SH3RF3: variants seen among roughly 807,000 people sequenced by gnomAD.
SH3RF3 encodes SH3 domain containing ring finger 3.
Under a neutral mutation model 66.3 loss-of-function variants are expected in SH3RF3, and 29 were observed. That is an observed-to-expected ratio of 0.44 (90% CI 0.33 to 0.60). The LOEUF (loss-of-function observed/expected upper bound fraction) is 0.60. SH3RF3 is among the 20% of genes least tolerant of loss of function. The pLI is 0.04. For synonymous variants in SH3RF3, 583 were observed against 532.0 expected (o/e 1.10, Z -1.32); for missense variants, 1,194 against 1,190.9 (o/e 1.00, Z -0.04).
intron 2 of SH3RF3, among the ~76,000 whole-genome samples, chr2:109,353,610 G>T (rs964024605): frequency 6.6e-6 from 1 of 152,198 alleles, no homozygotes; most frequent in African/African-American, 2.4e-5. Context: ...GGCCTGCTGG[G>T]TGAGAGTGCC....
At chr2:109,308,162 C>T (rs1432522231) in intron 1 of SH3RF3, among the ~76,000 whole-genome samples, 12 of 139,496 alleles carry the variant, frequency 8.6e-5, no homozygotes, top group East Asian at 4.0e-4. Context: ...TTTGCATTTC[C>T]CTGATGGCCA....
chr2:109,232,013 C>A (rs1303681670), intron 1 of SH3RF3, among the ~76,000 whole-genome samples: 2 of 152,140 alleles, frequency 1.3e-5, no homozygotes, highest in Non-Finnish European at 2.9e-5. Flanking sequence ...GAATCTGCCA[C>A]GTTTTATTTA....
intron 1 of SH3RF3, among the ~76,000 whole-genome samples, chr2:109,149,021 C>G (rs1379147316): frequency 6.6e-6 from 1 of 152,124 alleles, no homozygotes; most frequent in East Asian, 1.9e-4. Context: ...TGCAGATCCC[C>G]CTTTCTCTTC....
intron 1 of SH3RF3, among the ~76,000 whole-genome samples, chr2:109,301,203 G>A (rs895889991): frequency 6.6e-6 from 1 of 152,152 alleles, no homozygotes; most frequent in Non-Finnish European, 1.5e-5. Context: ...GTTCCTCTGC[G>A]CAGGCTGATG....
At chr2:109,136,848 C>A (rs1676826263) in intron 1 of SH3RF3, among the ~76,000 whole-genome samples, 2 of 152,184 alleles carry the variant, frequency 1.3e-5, no homozygotes, top group South Asian at 4.1e-4. Flanking sequence ...TGCACCGGGG[C>A]ACCTGTAAAT....
At chr2:109,338,684 A>G (rs1294280119) in intron 1 of SH3RF3, among the ~76,000 whole-genome samples, 1 of 152,156 alleles carries the variant, frequency 6.6e-6, no homozygotes, top group East Asian at 1.9e-4. Flanking sequence ...CAGCCTCACA[A>G]GTAGCTGTGA....
chr2:109,195,500 T>A (rs1678474302), intron 1 of SH3RF3, among the ~76,000 whole-genome samples: 1 of 152,200 alleles, frequency 6.6e-6, no homozygotes, highest in African/African-American at 2.4e-5. Flanking sequence ...CTGTAGGCTT[T>A]ATTTTGGAAA....
At chr2:109,340,189 A>T (rs1682528336) in intron 1 of SH3RF3, among the ~76,000 whole-genome samples, 1 of 152,192 alleles carries the variant, frequency 6.6e-6, no homozygotes, top group South Asian at 2.1e-4. Flanking sequence ...ACCTGGATCC[A>T]GTCCTGTCTC....
chr2:109,161,983 A>AG (rs1249685152), intron 1 of SH3RF3, among the ~76,000 whole-genome samples: 2 of 152,098 alleles, frequency 1.3e-5, no homozygotes, highest in African/African-American at 2.4e-5. Context: ...AGGTGTCTAA[A>AG]GCGTAGATGG....
At chr2:109,393,553 G>A (rs536492615) in intron 3 of SH3RF3, among the ~76,000 whole-genome samples, 11 of 152,114 alleles carry the variant, frequency 7.2e-5, no homozygotes, top group Non-Finnish European at 1.2e-4. Flanking sequence ...TTTGTTTTCC[G>A]AATGGTGCAT....
chr2:109,374,587 C>A (rs748451749), intron 3 of SH3RF3, among the ~76,000 whole-genome samples: 1 of 152,180 alleles, frequency 6.6e-6, no homozygotes, highest in Non-Finnish European at 1.5e-5. Flanking sequence ...GAGCTTCCAT[C>A]TTGGGCTACT....
chr2:109,451,778 G>A (rs528916018), intron 8 of SH3RF3, among the ~76,000 whole-genome samples: 1 of 152,372 alleles, frequency 6.6e-6, no homozygotes, highest in Admixed American at 6.5e-5. Context: ...GCCCTGCCAT[G>A]CAAGCTGCAC....
chr2:109,190,778 C>T (rs549681515), intron 1 of SH3RF3, among the ~76,000 whole-genome samples: 6 of 152,148 alleles, frequency 3.9e-5, no homozygotes, highest in Admixed American at 2.0e-4. Context: ...TGGGATCACT[C>T]ATAGGTGTTG....
chr2:109,383,418 G>A (rs1292458642), intron 3 of SH3RF3, among the ~76,000 whole-genome samples: 1 of 152,190 alleles, frequency 6.6e-6, no homozygotes, highest in Non-Finnish European at 1.5e-5. Flanking sequence ...TTAGTTCTAA[G>A]ACTTGGCAAT....
intron 8 of SH3RF3, among the ~76,000 whole-genome samples, chr2:109,481,338 T>A (rs1678828439): frequency 6.6e-6 from 1 of 152,106 alleles, no homozygotes; most frequent in African/African-American, 2.4e-5. Context: ...CTCAGCAAAC[T>A]GAGTTTGAGC....
intron 8 of SH3RF3, among the ~76,000 whole-genome samples, chr2:109,484,046 G>T (rs1678902914): frequency 6.8e-6 from 1 of 148,110 alleles, no homozygotes. Flanking sequence ...AGGCACCAAG[G>T]TGTGCCATCC....
At chr2:109,439,969 A>G (rs1276977902) in intron 7 of SH3RF3, among the ~76,000 whole-genome samples, 1 of 152,206 alleles carries the variant, frequency 6.6e-6, no homozygotes, top group Non-Finnish European at 1.5e-5. Flanking sequence ...GGAGTAGGGC[A>G]TATGGAAAGT....
At chr2:109,319,413 T>G (rs1160883700) in intron 1 of SH3RF3, among the ~76,000 whole-genome samples, 1 of 152,218 alleles carries the variant, frequency 6.6e-6, no homozygotes, top group East Asian at 1.9e-4. Flanking sequence ...CACCCAGGCA[T>G]CCTTTTCAGC....
chr2:109,177,804 A>G (rs1045735004), intron 1 of SH3RF3, among the ~76,000 whole-genome samples: 2 of 152,244 alleles, frequency 1.3e-5, no homozygotes, highest in Middle Eastern at 3.2e-3. Flanking sequence ...CCTATTAGAC[A>G]AGGCAATTTG....
Sources: allele counts gnomAD v4.1 joint callset (sites outside exome capture counted in the v4.1 genomes callset), GRCh38; gene constraint gnomAD v4.1.1; transcripts MANE v1.5; gene names NCBI Gene and HGNC (gene_info 2026-07-23, HGNC 2026-07-21).